MYOF: variants seen among roughly 807,000 people sequenced by gnomAD.
The protein encoded by MYOF is fer-1-like 3, myoferlin.
In MYOF, 244 loss-of-function variants were observed where a neutral mutation model predicts 284.2. That is an observed-to-expected ratio of 0.86 (90% CI 0.77 to 0.95). The LOEUF (loss-of-function observed/expected upper bound fraction) is 0.95. MYOF is among the 40% of genes least tolerant of loss of function. The pLI is 0.00. For missense variants in MYOF, 2,496 were observed against 2,560.6 expected (o/e 0.97, Z 0.54); for synonymous variants, 904 against 919.7 (o/e 0.98, Z 0.31).
In MYOF at chr10:93,463,481, C is replaced by A. The variant is rs2056931732; in HGVS notation, c.89-6544G>T. Among the ~76,000 whole-genome samples, 6 of 139,330 alleles carry A rather than the reference C, an allele frequency of 4.3e-5. No homozygotes were observed. The Admixed American group carries it at 5.0e-4, about 12-fold the overall frequency. The allele number at this position is 139,330 out of a possible 152,430, so 91.4% of individuals were successfully genotyped here. A position where few individuals can be genotyped will look rare whatever the true frequency, so the allele number is the denominator to read the frequency against. On this transcript the variant is annotated intron_variant, in intron 1 of 53. Transcript: ENST00000359263. Reference sequence around the variant, plus strand: ...GTGGTGCAATCTTGGCTCATTGCAACATCCGCCTCCTGTGTTCAAGTGATT... The same window carrying A: ...GTGGTGCAATCTTGGCTCATTGCAAAATCCGCCTCCTGTGTTCAAGTGATT...
intron 11 of MYOF, 115 bp from the exon 12 acceptor site, chr10:93,401,659 GT>G: frequency 7.2e-7 from 1 of 1,396,220 alleles, no homozygotes; most frequent in Non-Finnish European, 9.7e-7. Flanking sequence ...GATTTCCTGT[GT>G]TTGGGGCTTA....
chr10:93,383,620 T>A (rs982861026), intron 19 of MYOF, among the ~76,000 whole-genome samples: 7 of 152,192 alleles, frequency 4.6e-5, no homozygotes, highest in African/African-American at 1.7e-4. Flanking sequence ...TGGGTTTGAA[T>A]TGTGTCAAAA....
At chr10:93,458,455 G>T (rs557564425) in intron 1 of MYOF, among the ~76,000 whole-genome samples, 2 of 152,134 alleles carry the variant, frequency 1.3e-5, no homozygotes, top group Non-Finnish European at 1.5e-5. Context: ...CACCCAGTTG[G>T]CTGGGTGCGG....
At chr10:93,356,876 TGAC>T (rs1844829775) in intron 29 of MYOF, 28 bp from the exon 30 acceptor site, 1 of 1,588,786 alleles carries the variant, frequency 6.3e-7, no homozygotes. Context: ...ATGTTAATGA[TGAC>T]GATGATGATG....
chr10:93,357,348 A>G (rs1844854579), intron 29 of MYOF, among the ~76,000 whole-genome samples: 2 of 152,242 alleles, frequency 1.3e-5, no homozygotes, highest in South Asian at 4.1e-4. Context: ...TTTCTGTAAT[A>G]ACTAATAACA....
Position 93,482,304 on chromosome 10 carries a change from A to T in MYOF, c.-110T>A. 2 of 969,800 alleles carry T rather than the reference A, an allele frequency of 2.1e-6. No homozygotes were observed. The highest frequency in any genetic ancestry group is 1.5e-5 in the South Asian group (1 of 66,254). The allele number at this position is 969,800 out of a possible 1,614,324, so 60.1% of individuals were successfully genotyped here. ...GAAGTTCTCTCCCAGTGAAGGGAGG[A>T]TTTCTCCCAGGGCAAGGAAGGGGAA... On this transcript the variant is annotated 5_prime_UTR_variant, in exon 1 of 54. Coordinates refer to ENST00000359263, the MANE Select transcript of MYOF (RefSeq NM_013451.4).
intron 7 of MYOF, among the ~76,000 whole-genome samples, chr10:93,406,970 G>A (rs1210343485): frequency 6.6e-6 from 1 of 152,136 alleles, no homozygotes; most frequent in South Asian, 2.1e-4. Context: ...TCCCAGAAAT[G>A]TGTCTCCTCA....
chr10:93,376,137 T>C (rs1184993574), intron 22 of MYOF, among the ~76,000 whole-genome samples: 1 of 152,208 alleles, frequency 6.6e-6, no homozygotes, highest in East Asian at 1.9e-4. Context: ...GAAGTATAAA[T>C]AGATGACTGT....
At chr10:93,327,488 C>T (rs976040579) in intron 45 of MYOF, among the ~76,000 whole-genome samples, 2 of 152,054 alleles carry the variant, frequency 1.3e-5, no homozygotes, top group Admixed American at 6.5e-5. Flanking sequence ...TTCCTGACCC[C>T]GCAAAACTGT....
chr10:93,401,517 T>G lies in MYOF; in HGVS notation c.1018A>C (p.Ser340Arg). The G allele has an allele frequency of 1.2e-6, 2 of 1,614,118 alleles. No individual in the cohort carries two copies. The highest frequency in any genetic ancestry group is 8.5e-7 in the Non-Finnish European group (1 of 1,180,012). The part of the protein sequence containing the change: ...PPERRDRDND[S>R]DDVESNLLLP... ...AACAAATTACTCTCCACATCATCAC[T>G]GTCATTATCACGATCTCGTCTCTCA... is the stretch of plus-strand genomic sequence containing the variant. The change falls in exon 12 of 54, where the codon AGT becomes CGT. Residue 340 changes from serine to arginine, a missense_variant. Physicochemically the swap from Ser to Arg is moderately radical, Grantham distance 110. Around this residue, in one of 3 missense-constraint regions of MYOF, gnomAD observed 2,436 missense variants for 2,480.7 expected, o/e 0.98. Coordinates refer to ENST00000359263, the MANE Select transcript of MYOF (RefSeq NM_013451.4).
intron 39 of MYOF, chr10:93,338,452 G>C (rs377391988): frequency 8.8e-6 from 4 of 456,842 alleles, no homozygotes; most frequent in African/African-American, 8.0e-5. Flanking sequence ...ACATCTCTGA[G>C]CATCAATTTC....
intron 27 of MYOF, among the ~76,000 whole-genome samples, chr10:93,362,446 T>C (rs1447535632): frequency 6.6e-6 from 1 of 151,424 alleles, no homozygotes; most frequent in African/African-American, 2.4e-5. Context: ...GGTTTCATCA[T>C]GTTGGCCAGG....
intron 5 of MYOF, among the ~76,000 whole-genome samples, chr10:93,411,601 A>C (rs1464576198): frequency 6.6e-6 from 1 of 152,190 alleles, no homozygotes; most frequent in Admixed American, 6.5e-5. Flanking sequence ...GGGATGGGGC[A>C]CTGGAGCAGT....
In MYOF at chr10:93,358,782, C is replaced by T. The variant is rs528153267; in HGVS notation, c.3120+1051G>A. Among the ~76,000 whole-genome samples the T allele has an allele frequency of 4.2e-3, 637 of 152,220 alleles. 4 individuals are homozygous for T. Among genetic ancestry groups the T allele is most frequent in the Middle Eastern group, 0.014 (4 of 294 alleles). ...CTTGGACACAGGGAGGGGAACAACACACACTGGGGCCGGCGGGTGGAGGGA... is the reference window on the plus strand; with the variant it reads ...CTTGGACACAGGGAGGGGAACAACATACACTGGGGCCGGCGGGTGGAGGGA... On this transcript the variant is annotated intron_variant, in intron 29 of 53. Transcript: ENST00000359263.
Position 93,482,110 on chromosome 10 carries a change from T to TA in MYOF, c.84dup (p.Lys29Ter). ...AAAGAAGAAAACTTTTTCTTACCCT[T>TA]AAAAATGACAGAAACAATAGGATCC... On this transcript the variant is annotated frameshift_variant, in exon 1 of 54. Transcript: ENST00000359263. LOFTEE classifies it high-confidence loss of function. The TA allele has an allele frequency of 6.2e-7, 1 of 1,613,512 alleles. No homozygotes were observed. The highest frequency in any genetic ancestry group is 8.5e-7 in the Non-Finnish European group (1 of 1,179,596).
At chr10:93,377,187 C>CT in intron 22 of MYOF, 136 bp downstream of exon 22, 1 of 668,478 alleles carries the variant, frequency 1.5e-6, no homozygotes, top group Non-Finnish European at 2.5e-6. Flanking sequence ...CCAGTGAGGA[C>CT]TTTTTACGAA....
chr10:93,359,823 C>T lies in MYOF; in HGVS notation c.3120+10G>A, dbSNP rs1844984032. ...TCCCCAGTCCAGCTCCCTTCCCTTG[C>T]TTCTCTTACCCTTGCGGTGCTTGAA... On this transcript the variant is annotated intron_variant, in intron 29 of 53. Coordinates refer to ENST00000359263, the MANE Select transcript of MYOF (RefSeq NM_013451.4). 4 of 1,614,076 alleles carry T rather than the reference C, an allele frequency of 2.5e-6. No homozygotes were observed. In the East Asian group the frequency reaches 8.9e-5, roughly 36 times the overall value.
Position 93,402,276 on chromosome 10 carries a change from T to C in MYOF, c.946A>G (p.Met316Val), listed in dbSNP as rs1269772174. The change falls in exon 11 of 54, where the codon ATG becomes GTG. Residue 316 changes from methionine (M) to valine (V), a missense_variant. Coordinates refer to ENST00000359263, the MANE Select transcript of MYOF (RefSeq NM_013451.4). ...EDTSSGSKGY[M>V]KVSMFVLGTG... ...CCCAGGACAAACATGCTGACTTTCA[T>C]ATAACCTTTAGAACCTGAACTGGTA... The C allele has an allele frequency of 2.5e-6, 4 of 1,614,030 alleles. No individual in the cohort carries two copies. The highest frequency in any genetic ancestry group is 4.5e-5 in the East Asian group (2 of 44,898).
chr10:93,409,492 C>A, intron 6 of MYOF, 81 bp downstream of exon 6: 1 of 1,486,974 alleles, frequency 6.7e-7, no homozygotes. Context: ...TGGAATAGGT[C>A]CACTGAAACA....
Sources: gnomAD v4.1 joint callset for allele counts (sites outside exome capture counted in the v4.1 genomes callset) on GRCh38, gnomAD v4.1.1 for gene constraint, gnomAD v4.1.1 regional missense constraint, MANE v1.5 for transcripts, NCBI Gene and HGNC (gene_info 2026-07-23, HGNC 2026-07-21) for gene names.